Variants in FLVCR1 observed in about 807,000 individuals in gnomAD.
The protein encoded by FLVCR1 is FLVCR choline and heme transporter 1, also known as choline/ethanolamine transporter FLVCR1.
FLVCR1 carries 34 observed loss-of-function variants against 53.6 expected under a neutral mutation model. That is an observed-to-expected ratio of 0.63 (90% CI 0.48 to 0.84). FLVCR1 has a LOEUF of 0.84. FLVCR1 is among the 40% of genes least tolerant of loss of function. The pLI is 0.00. For missense variants in FLVCR1, 677 were observed against 696.7 expected (o/e 0.97, Z 0.32); for synonymous variants, 300 against 286.3 (o/e 1.05, Z -0.48).
chr1:212,863,918 T>C, intron 2 of FLVCR1, 49 bp downstream of exon 2: 1 of 1,520,750 alleles, frequency 6.6e-7, no homozygotes, highest in Non-Finnish European at 9.1e-7. Context: ...TGATAGAAAT[T>C]TGAGAATAAC....
intron 2 of FLVCR1, among the ~76,000 whole-genome samples, chr1:212,866,274 C>T (rs1043420024): frequency 7.2e-5 from 11 of 151,770 alleles, no homozygotes; most frequent in Admixed American, 1.3e-4. Context: ...CATGAGCCAC[C>T]GAGCCCGGCC....
At chr1:212,863,313 T>A (rs887991214) in intron 1 of FLVCR1, among the ~76,000 whole-genome samples, 20 of 152,244 alleles carry the variant, frequency 1.3e-4, no homozygotes, top group Middle Eastern at 6.8e-3. Context: ...TAGTTTAGGC[T>A]GGGTGCAGTG....
At chr1:212,863,552 G>A (rs41296714) in intron 1 of FLVCR1, 173 bp from the exon 2 acceptor site, 8,296 of 589,814 alleles carry the variant, frequency 0.014, 81 homozygotes, top group Non-Finnish European at 0.019. Context: ...TTGCGTCACT[G>A]CACTCCAGCC....
intron 1 of FLVCR1, among the ~76,000 whole-genome samples, chr1:212,860,350 G>GGTTTTTTTTTTTTTTTTTTT (rs1664185476): frequency 4.7e-5 from 4 of 85,824 alleles, no homozygotes; most frequent in Non-Finnish European, 7.3e-5. Context: ...TGTGTGTGTG[G>GGTTTTTTTTTTTTTTTTTTT]TTTTTTTTTT....
At chr1:212,893,710 G>A (rs2359326) in intron 8 of FLVCR1, among the ~76,000 whole-genome samples, 94,026 of 152,096 alleles carry the variant, frequency 0.62, 30,921 homozygotes, top group East Asian at 0.91. Flanking sequence ...CCCTCCACCA[G>A]CAAAAAGATA....
chr1:212,859,076 CTTGTG>C lies in FLVCR1; in HGVS notation c.625_629del (p.Cys210GlyfsTer55). Reference sequence around the variant, plus strand: ...TCTGGGTCACCATGTTGGGCCAGTGCTTGTGCTCGGTGGCCCAGGTGTTCATCCTG... The same window carrying C: ...TCTGGGTCACCATGTTGGGCCAGTGCCTCGGTGGCCCAGGTGTTCATCCTG... On this transcript the variant is annotated frameshift_variant, in exon 1 of 10. Coordinates refer to ENST00000366971, the MANE Select transcript of FLVCR1 (RefSeq NM_014053.4). LOFTEE classifies it high-confidence loss of function. The C allele has an allele frequency of 6.2e-7, 1 of 1,613,460 alleles. No homozygotes were observed. Among genetic ancestry groups the C allele is most frequent in the Non-Finnish European group, 8.5e-7 (1 of 1,179,694 alleles).
chr1:212,898,077 C>G lies in FLVCR1; in HGVS notation c.*2787C>G, dbSNP rs1665385803. 1 of 152,158 alleles carries G rather than the reference C, an allele frequency of 6.6e-6. No homozygotes were observed. Among genetic ancestry groups the G allele is most frequent in the African/African-American group, 2.4e-5 (1 of 41,432 alleles). The allele number at this position is 152,158 out of a possible 1,614,324, so 9.4% of individuals were successfully genotyped here. ...TTCTGTATGTTCCTATAACTCTGGA[C>G]AAATCATTAAACCTCTCTGGGCAGC... On this transcript the variant is annotated 3_prime_UTR_variant, in exon 10 of 10. Transcript: ENST00000366971.
At chr1:212,860,169 G>A (rs1664178626) in intron 1 of FLVCR1, among the ~76,000 whole-genome samples, 2 of 152,090 alleles carry the variant, frequency 1.3e-5, no homozygotes, top group African/African-American at 4.8e-5. Context: ...AGCTACTCAG[G>A]TGGCCAAGGC....
chr1:212,888,786 G>A (rs980627476), intron 7 of FLVCR1, among the ~76,000 whole-genome samples, 192 bp downstream of exon 7: 4 of 152,142 alleles, frequency 2.6e-5, no homozygotes, highest in Admixed American at 1.3e-4. Context: ...CTAGGCTCAA[G>A]CAATCCTCCC....
chr1:212,884,063 T>G (rs1664994107), intron 4 of FLVCR1, among the ~76,000 whole-genome samples: 1 of 151,736 alleles, frequency 6.6e-6, no homozygotes, highest in Admixed American at 6.6e-5. Flanking sequence ...ATCCCAGCAC[T>G]TTGGAAGGCC....
intron 3 of FLVCR1, among the ~76,000 whole-genome samples, chr1:212,873,441 A>G (rs1023082484): frequency 6.6e-6 from 1 of 152,226 alleles, no homozygotes; most frequent in Non-Finnish European, 1.5e-5. Context: ...CAGGTGGGAA[A>G]TGCTATCAAC....
intron 2 of FLVCR1, among the ~76,000 whole-genome samples, chr1:212,866,053 C>T (rs61833730): frequency 9.4e-4 from 43 of 45,574 alleles, no homozygotes; most frequent in African/African-American, 2.2e-3. Flanking sequence ...GGCGCAATTT[C>T]GACTCACTGC....
intron 4 of FLVCR1, 42 bp downstream of exon 4, chr1:212,883,480 T>C: frequency 9.1e-7 from 1 of 1,092,922 alleles, no homozygotes; most frequent in Non-Finnish European, 1.4e-6. Flanking sequence ...TGGCCAAAAA[T>C]TTTTCTTTAG....
chr1:212,892,763 C>T (rs1167374439), intron 8 of FLVCR1, among the ~76,000 whole-genome samples: 1 of 152,114 alleles, frequency 6.6e-6, no homozygotes, highest in African/African-American at 2.4e-5. Context: ...TTATTCCTCT[C>T]TTGGATCTGA....
At position 212,881,518 on chromosome 1, in the gene FLVCR1, T is replaced by C. The variant is rs534480970; in HGVS notation, c.1025-1853T>C. Among the ~76,000 whole-genome samples the C allele has an allele frequency of 1.2e-3, 189 of 152,106 alleles. 1 individual carries two copies. The Middle Eastern group carries it at 0.02, about 16-fold the overall frequency. On this transcript the variant is annotated intron_variant, in intron 3 of 9. Transcript: ENST00000366971. ...TGCGCCTGGCTAATTTTTGTATTTTTAGTAGAGACGGGGTTTCACCATGTT... is the reference window on the plus strand; with the variant it reads ...TGCGCCTGGCTAATTTTTGTATTTTCAGTAGAGACGGGGTTTCACCATGTT...
At chr1:212,891,311 CTGAGG>C (rs1665185632) in intron 8 of FLVCR1, among the ~76,000 whole-genome samples, 1 of 58,726 alleles carries the variant, frequency 1.7e-5, no homozygotes, top group Non-Finnish European at 5.6e-5. Flanking sequence ...ACTTGGGAGG[CTGAGG>C]CAGAAGAATT....
At chr1:212,866,224 A>T (rs1014307834) in intron 2 of FLVCR1, among the ~76,000 whole-genome samples, 2 of 151,886 alleles carry the variant, frequency 1.3e-5, no homozygotes, top group African/African-American at 4.8e-5. Flanking sequence ...ACCTCAGGTG[A>T]TCTGCCCGCC....
intron 1 of FLVCR1, among the ~76,000 whole-genome samples, chr1:212,860,487 C>G (rs1333519945): frequency 6.6e-6 from 1 of 151,434 alleles, no homozygotes; most frequent in South Asian, 2.1e-4. Context: ...CACGCCCGGC[C>G]ATGATTACAT....
intron 3 of FLVCR1, among the ~76,000 whole-genome samples, chr1:212,879,697 A>G (rs1295117034): frequency 1.3e-5 from 2 of 152,158 alleles, no homozygotes; most frequent in East Asian, 1.9e-4. Flanking sequence ...TTGAGACTAC[A>G]GGGACGCACT....
Sources: allele counts gnomAD v4.1 joint callset (sites outside exome capture counted in the v4.1 genomes callset), GRCh38; gene constraint gnomAD v4.1.1; transcripts MANE v1.5; gene names NCBI Gene and HGNC (gene_info 2026-07-23, HGNC 2026-07-21).